Variants in DNAJC15 observed in about 807,000 individuals in gnomAD.
DNAJC15 encodes the protein DnaJ heat shock protein family (Hsp40) member C15.
A neutral mutation model predicts 22.4 loss-of-function variants in DNAJC15; 27 were observed. That is an observed-to-expected ratio of 1.20 (90% CI 0.89 to 1.66). The LOEUF (loss-of-function observed/expected upper bound fraction) is 1.66. DNAJC15 is among the 40% of genes most tolerant of loss of function. The pLI, the probability that DNAJC15 is intolerant of heterozygous loss-of-function variation, is 0.00. For missense variants in DNAJC15, 208 were observed against 187.1 expected (o/e 1.11, Z -0.65); for synonymous variants, 79 against 63.2 (o/e 1.25, Z -1.19).
chr13:43,033,100 G>A (rs2040411295), intron 1 of DNAJC15, among the ~76,000 whole-genome samples: 1 of 152,152 alleles, frequency 6.6e-6, no homozygotes, highest in African/African-American at 2.4e-5. Context: ...CAAGGGGATG[G>A]CGCTAAACCA....
At chr13:43,065,768 C>G (rs1159264172) in intron 2 of DNAJC15, 31 bp downstream of exon 2, 1 of 1,602,402 alleles carries the variant, frequency 6.2e-7, no homozygotes, top group African/African-American at 1.3e-5. Context: ...CAATAAATTG[C>G]AGGAGAAATC....
chr13:43,085,229 C>T (rs908759044), intron 4 of DNAJC15, among the ~76,000 whole-genome samples: 17 of 151,906 alleles, frequency 1.1e-4, no homozygotes, highest in African/African-American at 3.6e-4. Flanking sequence ...GGTGTGGTGG[C>T]GCGCGTCTGT....
intron 5 of DNAJC15, among the ~76,000 whole-genome samples, chr13:43,087,103 C>A (rs962216796): frequency 2.0e-5 from 3 of 152,166 alleles, no homozygotes. Flanking sequence ...CCTTTTATGC[C>A]TATTCAATTA....
At chr13:43,105,092 G>A (rs1326876285) in intron 5 of DNAJC15, among the ~76,000 whole-genome samples, 1 of 151,544 alleles carries the variant, frequency 6.6e-6, no homozygotes. Context: ...AGAGCATTTA[G>A]TACAGGTTAC....
At chr13:43,047,323 A>G (rs1442300171) in intron 1 of DNAJC15, among the ~76,000 whole-genome samples, 2 of 152,260 alleles carry the variant, frequency 1.3e-5, no homozygotes, top group East Asian at 1.9e-4. Context: ...AATATATATT[A>G]CAGTAGAAAG....
chr13:43,076,131 G>C (rs549722404), intron 3 of DNAJC15, among the ~76,000 whole-genome samples: 1 of 152,260 alleles, frequency 6.6e-6, no homozygotes, highest in South Asian at 2.1e-4. Flanking sequence ...TGTCAGGGGT[G>C]GGGGACTATT....
At chr13:43,079,542 C>G (rs1389679253) in intron 4 of DNAJC15, among the ~76,000 whole-genome samples, 1 of 151,936 alleles carries the variant, frequency 6.6e-6, no homozygotes, top group African/African-American at 2.4e-5. Flanking sequence ...CTCTCCTTAC[C>G]AGACAATAGA....
rs527275396 is a variant in DNAJC15, at chr13:43,073,925, T to C, written c.235-4687T>C. On this transcript the variant is annotated intron_variant, in intron 3 of 5. Coordinates refer to ENST00000379221, the MANE Select transcript of DNAJC15 (RefSeq NM_013238.3). The stretch of plus-strand genomic sequence containing the variant: ...GACTCAGCCAATGTCTAATTACCCT[T>C]AAATTTTTTTCTGGGGGAGAAAACC... 1.6e-4 allele frequency among the ~76,000 whole-genome samples: 24 copies of C among 151,146 alleles called. 1 individual carries two copies. The South Asian group carries it at 5.0e-3, about 32-fold the overall frequency.
chr13:43,047,787 GA>G lies in DNAJC15; in HGVS notation c.109-17897del, dbSNP rs574600568. ...TGCTTGCTGCATGGATGAAAAACTT[GA>G]AGGCTTATTTAGAAAGTAAAAGTTT... On this transcript the variant is annotated intron_variant, in intron 1 of 5. Transcript: ENST00000379221. Among the ~76,000 whole-genome samples, 599 of 152,280 alleles carry G rather than the reference GA, an allele frequency of 3.9e-3. 4 individuals carry two copies. The highest frequency in any genetic ancestry group is 0.013 in the African/African-American group (555 of 41,560).
intron 1 of DNAJC15, among the ~76,000 whole-genome samples, chr13:43,033,126 C>T (rs2806710): frequency 0.025 from 3,818 of 152,224 alleles, 143 homozygotes; most frequent in African/African-American, 0.083. Context: ...GAGAAATTGC[C>T]GCCATGACCC....
rs999128427 is a variant in DNAJC15 at position 43,075,904 on chromosome 13, G to T, written c.235-2708G>T. Among the ~76,000 whole-genome samples the T allele has an allele frequency of 3.9e-5, 6 of 152,044 alleles. No homozygotes were observed. The South Asian group carries it at 1.0e-3, about 26-fold the overall frequency. ...GTCTCTAACTGACCTGAGGTGATCC[G>T]CCCGCCTCAGCCTCGCAAAGTGCTG... is the stretch of plus-strand genomic sequence containing the variant. On this transcript the variant is annotated intron_variant, in intron 3 of 5. Transcript: ENST00000379221.
intron 1 of DNAJC15, among the ~76,000 whole-genome samples, chr13:43,027,055 T>C (rs905816744): frequency 1.3e-5 from 2 of 152,306 alleles, no homozygotes; most frequent in Admixed American, 6.5e-5. Context: ...TTACAATTAA[T>C]GGTTTAATAG....
chr13:43,025,711 C>T (rs1379887977), intron 1 of DNAJC15, among the ~76,000 whole-genome samples: 1 of 152,158 alleles, frequency 6.6e-6, no homozygotes, highest in Non-Finnish European at 1.5e-5. Flanking sequence ...CGAGACCAGC[C>T]TGGCCAACAG....
intron 1 of DNAJC15, among the ~76,000 whole-genome samples, chr13:43,058,540 C>T (rs1426229661): frequency 1.3e-5 from 2 of 152,096 alleles, no homozygotes; most frequent in African/African-American, 4.8e-5. Context: ...AGGCTATAAG[C>T]CTCCCACTGA....
At chr13:43,079,157 T>C (rs1431764374) in intron 4 of DNAJC15, among the ~76,000 whole-genome samples, 2 of 152,168 alleles carry the variant, frequency 1.3e-5, no homozygotes, top group South Asian at 2.1e-4. Context: ...AGAAAATTAA[T>C]GATATTATAT....
At chr13:43,075,956 C>T (rs187329519) in intron 3 of DNAJC15, among the ~76,000 whole-genome samples, 126 of 152,294 alleles carry the variant, frequency 8.3e-4, no homozygotes, top group African/African-American at 2.6e-3. Context: ...GCACCACAGT[C>T]GGCCCCCTTA....
At chr13:43,063,506 A>G (rs763668638) in intron 1 of DNAJC15, among the ~76,000 whole-genome samples, 2 of 150,658 alleles carry the variant, frequency 1.3e-5, no homozygotes, top group Non-Finnish European at 3.0e-5. Context: ...TTATAATCTG[A>G]TATTAATATT....
At chr13:43,059,020 A>G (rs2040544347) in intron 1 of DNAJC15, among the ~76,000 whole-genome samples, 1 of 152,048 alleles carries the variant, frequency 6.6e-6, no homozygotes, top group South Asian at 2.1e-4. Context: ...AGGGTCTGTG[A>G]ATTCTTTTGG....
At chr13:43,082,372 TA>T (rs1334764899) in intron 4 of DNAJC15, among the ~76,000 whole-genome samples, 1 of 152,146 alleles carries the variant, frequency 6.6e-6, no homozygotes, top group Admixed American at 6.5e-5. Context: ...ATACTAAGCT[TA>T]AAAACTAGGC....
Sources: gnomAD v4.1 joint callset for allele counts (sites outside exome capture counted in the v4.1 genomes callset) on GRCh38, gnomAD v4.1.1 for gene constraint, MANE v1.5 for transcripts, NCBI Gene and HGNC (gene_info 2026-07-23, HGNC 2026-07-21) for gene names.